TPTE2: variants seen among roughly 807,000 people sequenced by gnomAD.
TPTE2 encodes transmembrane phosphoinositide 3-phosphatase and tensin homolog 2.
Under a neutral mutation model 78.6 loss-of-function variants are expected in TPTE2, and 53 were observed. The observed-to-expected ratio is 0.67, with a 90% CI of 0.54 to 0.85. The LOEUF (loss-of-function observed/expected upper bound fraction) is 0.85, where lower values mean the gene tolerates loss of function less well. Ranked by LOEUF, TPTE2 falls within the 40% of genes least tolerant of loss-of-function variation. The probability of loss-of-function intolerance (pLI) is 0.00; values close to 1 mark genes in which losing one functional copy is unlikely to be tolerated. For synonymous variants in TPTE2, 175 were observed against 206.2 expected, an observed-to-expected ratio of 0.85 and a Z score of 1.30; for missense variants, 461 against 623.0, an observed-to-expected ratio of 0.74 and a Z score of 2.77.
At chr13:19,461,812 G>A (rs565929968) in intron 10 of TPTE2, among the ~76,000 whole-genome samples, 5 of 152,020 alleles carry the variant, frequency 3.3e-5, no homozygotes, top group African/African-American at 1.2e-4. Context: ...GATAAGTATG[G>A]CTACCTCTGC....
rs140207996 is a variant in TPTE2 at position 19,435,456 on chromosome 13, G to A, written c.1116+770C>T. Among the ~76,000 whole-genome samples, 972 of 152,224 alleles carry A rather than the reference G, an allele frequency of 6.4e-3. 10 individuals are homozygous for A. The highest frequency in any genetic ancestry group is 0.023 in the African/African-American group (948 of 41,518). Reference sequence around the variant, plus strand: ...GGGTTGAGGGGTGTGAGTGGAGTGGGAAAGAACGGATGAAACGTGGCTGGC... The same window carrying A: ...GGGTTGAGGGGTGTGAGTGGAGTGGAAAAGAACGGATGAAACGTGGCTGGC... On this transcript the variant is annotated intron_variant, in intron 15 of 19. Coordinates refer to ENST00000400230, the Ensembl canonical transcript of TPTE2.
chr13:19,518,165 G>C (rs993581278), intron 1 of TPTE2, among the ~76,000 whole-genome samples: 1 of 152,150 alleles, frequency 6.6e-6, no homozygotes, highest in African/African-American at 2.4e-5. Context: ...CATTTTATAG[G>C]ATTGTGAGAA....
chr13:19,439,038 G>A (rs1341891055), intron 13 of TPTE2, among the ~76,000 whole-genome samples: 1 of 152,162 alleles, frequency 6.6e-6, no homozygotes, highest in African/African-American at 2.4e-5. Flanking sequence ...ACAGGGAAAC[G>A]CTGCCGGCAT....
At chr13:19,464,937 T>C (rs1879167659) in intron 9 of TPTE2, among the ~76,000 whole-genome samples, 1 of 152,298 alleles carries the variant, frequency 6.6e-6, no homozygotes, top group East Asian at 1.9e-4. Context: ...TTCTCTGGGG[T>C]TCTAGGATGA....
At chr13:19,423,048 A>G in exon 20 of TPTE2, 1 of 1,611,910 alleles carries the variant, frequency 6.2e-7, no homozygotes, top group Non-Finnish European at 8.5e-7. Flanking sequence ...ATCCAGCTAC[A>G]ACATCATTGG....
intron 19 of TPTE2, among the ~76,000 whole-genome samples, chr13:19,423,630 T>C (rs1310014399): frequency 1.3e-5 from 2 of 152,192 alleles, no homozygotes; most frequent in Admixed American, 1.3e-4. Context: ...TAGGCATAAA[T>C]TGGTTAACCC....
At chr13:19,522,144 G>A (rs1015820927) in intron 1 of TPTE2, among the ~76,000 whole-genome samples, 2 of 152,134 alleles carry the variant, frequency 1.3e-5, no homozygotes, top group African/African-American at 4.8e-5. Context: ...AGTCTCATTA[G>A]ACCCTTAGTA....
At chr13:19,521,924 C>T (rs1311242844) in intron 1 of TPTE2, among the ~76,000 whole-genome samples, 1 of 151,916 alleles carries the variant, frequency 6.6e-6, no homozygotes, top group Non-Finnish European at 1.5e-5. Flanking sequence ...TCTTTATTTC[C>T]TCATGTGGAT....
intron 3 of TPTE2, among the ~76,000 whole-genome samples, chr13:19,488,555 T>C (rs1473892527): frequency 2.0e-5 from 3 of 152,254 alleles, no homozygotes; most frequent in African/African-American, 7.2e-5. Flanking sequence ...TTTTATGTTA[T>C]AGAGATGGCT....
intron 16 of TPTE2, among the ~76,000 whole-genome samples, chr13:19,431,137 A>G (rs1309693378): frequency 6.6e-6 from 1 of 151,860 alleles, no homozygotes; most frequent in Non-Finnish European, 1.5e-5. Flanking sequence ...CAAAAAAAAA[A>G]AAAGAAAAAG....
intron 13 of TPTE2, among the ~76,000 whole-genome samples, chr13:19,448,014 C>T (rs1190285890): frequency 3.9e-5 from 6 of 152,022 alleles, no homozygotes; most frequent in South Asian, 2.1e-4. Context: ...ATAGACAGCC[C>T]AGAAAAAATC....
intron 3 of TPTE2, among the ~76,000 whole-genome samples, chr13:19,489,763 A>G (rs79553829): frequency 5.5e-4 from 7 of 12,708 alleles, no homozygotes; most frequent in Admixed American, 1.4e-3. Context: ...TGTGTGTTAT[A>G]TGTGTGTGTG....
Position 19,486,854 on chromosome 13 carries a change from C to T in TPTE2, c.120-4307G>A, listed in dbSNP as rs1384122548. On this transcript the variant is annotated intron_variant, in intron 3 of 19. Coordinates refer to ENST00000400230, the Ensembl canonical transcript of TPTE2. The surrounding 1 kb of genome is among the most constrained non-coding windows in gnomAD (Gnocchi z 4.3). ...GCTATTCTAGCTCAGGATGTGGGCACACTGCTGCTCAGCTGGCCTGGGTGG... is the reference window on the plus strand; with the variant it reads ...GCTATTCTAGCTCAGGATGTGGGCATACTGCTGCTCAGCTGGCCTGGGTGG... Among the ~76,000 whole-genome samples the T allele has an allele frequency of 2.0e-5, 3 of 152,140 alleles. No individual in the cohort carries two copies. Among genetic ancestry groups the T allele is most frequent in the Admixed American group, 6.5e-5 (1 of 15,282 alleles).
At chr13:19,460,180 C>T (rs1355973037) in intron 10 of TPTE2, among the ~76,000 whole-genome samples, 2 of 152,220 alleles carry the variant, frequency 1.3e-5, no homozygotes, top group Admixed American at 6.5e-5. Context: ...GTATCAGACC[C>T]GCAGCCCTGG....
the TPTE2 span, among the ~76,000 whole-genome samples, chr13:19,547,730 T>C: frequency 1.3e-4 from 19 of 146,592 alleles, 1 homozygote; most frequent in East Asian, 4.1e-4. Flanking sequence ...CATATATATA[T>C]ATATATATAT....
rs146728345 is a variant in TPTE2 at position 19,525,488 on chromosome 13, A to G, written c.-44+11108T>C. Among the ~76,000 whole-genome samples, 1,308 of 152,280 alleles carry G rather than the reference A, an allele frequency of 8.6e-3. 12 individuals are homozygous for G. The highest frequency in any genetic ancestry group is 0.03 in the African/African-American group (1,252 of 41,530). On this transcript the variant is annotated intron_variant, in intron 1 of 17. Transcript: ENST00000390680. Reference sequence around the variant, plus strand: ...ACAAATGGTGCTGGGATAACTGACTAGCCATATGCAGAAGATTGAAACTGG... The same window carrying G: ...ACAAATGGTGCTGGGATAACTGACTGGCCATATGCAGAAGATTGAAACTGG...
rs142318690 is a variant in TPTE2 at position 19,529,332 on chromosome 13, A to G, written c.-44+7264T>C. ...AAGAGAGACAGAGTTTCACCATGTT[A>G]GCCAGGCTGGTCTCCAACTCCTGAC... On this transcript the variant is annotated intron_variant, in intron 1 of 17. Transcript: ENST00000390680. Among the ~76,000 whole-genome samples, 1,020 of 152,102 alleles carry G rather than the reference A, an allele frequency of 6.7e-3. 9 individuals carry two copies. The highest frequency in any genetic ancestry group is 0.022 in the African/African-American group (903 of 41,518).
the TPTE2 span, chr13:19,561,129 T>C: frequency 6.2e-7 from 1 of 1,604,464 alleles, no homozygotes; most frequent in Non-Finnish European, 8.5e-7. Context: ...AGGCAGTGGG[T>C]GGGAGCTGGA....
chr13:19,532,278 G>A (rs1336249675), intron 1 of TPTE2, among the ~76,000 whole-genome samples: 1 of 150,098 alleles, frequency 6.7e-6, no homozygotes, highest in Non-Finnish European at 1.5e-5. Flanking sequence ...TTGCTAATGT[G>A]ATGGTATTAA....
Sources: gnomAD v4.1 joint callset for allele counts (sites outside exome capture counted in the v4.1 genomes callset) on GRCh38, gnomAD v4.1.1 for gene constraint, Gnocchi (gnomAD v3.1) non-coding constraint, MANE v1.5 for transcripts, NCBI Gene and HGNC (gene_info 2026-07-23, HGNC 2026-07-21) for gene names.